Variants in IL1RL1 observed in about 807,000 individuals in gnomAD.
IL1RL1 encodes interleukin 1 receptor like 1.
Under a neutral mutation model 50.9 loss-of-function variants are expected in IL1RL1, and 32 were observed. That is an observed-to-expected ratio of 0.63 (90% confidence interval 0.47 to 0.84). IL1RL1 has a LOEUF of 0.84. IL1RL1 is among the 40% of genes least tolerant of loss of function. The pLI is 0.00. For missense variants in IL1RL1, 773 were observed against 662.9 expected (o/e 1.17, Z -1.82); for synonymous variants, 275 against 236.0 (o/e 1.17, Z -1.51).
intron 8 of IL1RL1, chr2:102,345,419 C>A (rs975746722): frequency 1.0e-6 from 1 of 984,624 alleles, no homozygotes; most frequent in African/African-American, 1.7e-5. Context: ...TATTTTTACA[C>A]TCATCACTCC....
At position 102,325,694 on chromosome 2, in the gene IL1RL1, A is replaced by C. The variant is rs576180530; in HGVS notation, c.-149-12422A>C. Among the ~76,000 whole-genome samples the C allele has an allele frequency of 1.5e-3, 221 of 152,356 alleles. 2 individuals are homozygous for C. The highest frequency in any genetic ancestry group is 5.1e-3 in the African/African-American group (213 of 41,586). On this transcript the variant is annotated intron_variant, in intron 1 of 10. Transcript: ENST00000233954. The stretch of plus-strand genomic sequence containing the variant: ...AGCTGAAAACCATGGCACGAGAACT[A>C]CGTGATGAATGCGCAAGCCTCAGTA...
At chr2:102,340,857 T>C (rs372218229) in intron 5 of IL1RL1, 29 bp downstream of exon 5, 3 of 1,518,234 alleles carry the variant, frequency 2.0e-6, no homozygotes, top group Admixed American at 2.5e-5. Flanking sequence ...TGAGATAGAA[T>C]ACTACGTGAA....
intron 1 of IL1RL1, among the ~76,000 whole-genome samples, chr2:102,314,261 G>A (rs932382840): frequency 3.3e-5 from 5 of 152,298 alleles, no homozygotes; most frequent in East Asian, 3.9e-4. Context: ...GTGAAGTAGG[G>A]ATGAAACCAA....
intron 6 of IL1RL1, 51 bp from the exon 7 acceptor site, chr2:102,342,985 T>C (rs1421435486): frequency 6.4e-7 from 1 of 1,571,510 alleles, no homozygotes; most frequent in East Asian, 2.2e-5. Context: ...TGGGATAAAA[T>C]GCCAGTCGCA....
intron 1 of IL1RL1, 90 bp downstream of exon 1, chr2:102,311,713 T>C (rs188078389): frequency 6.7e-5 from 9 of 134,906 alleles, no homozygotes; most frequent in Non-Finnish European, 1.1e-4. Context: ...ATAACAATAA[T>C]ATTCATTGTT....
At chr2:102,340,529 C>A in intron 4 of IL1RL1, 137 bp from the exon 5 acceptor site, 1 of 877,946 alleles carries the variant, frequency 1.1e-6, no homozygotes, top group Non-Finnish European at 1.8e-6. Flanking sequence ...ATGAAAATCA[C>A]TTGAACCTAG....
rs141407066 is a variant in IL1RL1 at position 102,343,256 on chromosome 2, G to A, written c.825-14G>A. The A allele has an allele frequency of 2.4e-5, 38 of 1,614,086 alleles. 1 individual carries two copies. In the African/African-American group the frequency reaches 4.0e-4, roughly 17 times the overall value. On this transcript the variant is annotated splice_polypyrimidine_tract_variant and intron_variant, in intron 7 of 10. Coordinates refer to ENST00000233954, the MANE Select transcript of IL1RL1 (RefSeq NM_016232.5). ...TGCAAAGTAGGCATTAAAAGTAACA[G>A]GTTGCTTTCTTAGTTTCAGCAATGG...
chr2:102,343,116 G>A lies in IL1RL1; in HGVS notation c.763G>A (p.Gly255Arg). The A allele has an allele frequency of 6.2e-7, 1 of 1,614,064 alleles. No individual in the cohort carries two copies. Among genetic ancestry groups the A allele is most frequent in the Non-Finnish European group, 8.5e-7 (1 of 1,179,972 alleles). Residue 255 changes from glycine to arginine, a missense_variant, in exon 7 of 11, where the codon GGA becomes AGA. Transcript: ENST00000233954. ...GGCTGCCGTCCTGTGGCAGCTTAAT[G>A]GAACAAAAATTACAGACTTTGGTGA... Reference protein sequence around the residue: ...FLAAVLWQLNGTKITDFGEPR... With the variant: ...FLAAVLWQLNRTKITDFGEPR...
intron 1 of IL1RL1, among the ~76,000 whole-genome samples, chr2:102,332,188 C>A (rs1373861110): frequency 6.6e-6 from 1 of 152,126 alleles, no homozygotes; most frequent in East Asian, 1.9e-4. Flanking sequence ...TTCTGGAGGT[C>A]ATATTCCAAT....
chr2:102,330,461 G>T (rs1677145618), intron 1 of IL1RL1, among the ~76,000 whole-genome samples: 1 of 152,114 alleles, frequency 6.6e-6, no homozygotes, highest in Admixed American at 6.6e-5. Flanking sequence ...TGCACGTTGT[G>T]CACATGTACC....
rs1426645303 is a variant in IL1RL1 at position 102,338,875 on chromosome 2, G to T, written c.100G>T (p.Val34Leu). ...SWGLENEALI[V>L]RCPRQGKPSY... ...GGGCCTGGAAAATGAGGCTTTAATT[G>T]TAAGATGTCCTAGACAAGGAAAACC... Residue 34 changes from valine (V) to leucine (L), a missense_variant, in exon 3 of 11, where the codon GTA becomes TTA. Coordinates refer to ENST00000233954, the MANE Select transcript of IL1RL1 (RefSeq NM_016232.5). The T allele has an allele frequency of 6.2e-7, 1 of 1,613,698 alleles. No individual in the cohort carries two copies. Among genetic ancestry groups the T allele is most frequent in the South Asian group, 1.1e-5 (1 of 91,078 alleles).
intron 8 of IL1RL1, chr2:102,343,700 A>G: frequency 7.4e-7 from 1 of 1,342,990 alleles, no homozygotes; most frequent in South Asian, 1.7e-5. Flanking sequence ...TTCTAACTTT[A>G]TGAACTCCCT....
intron 1 of IL1RL1, among the ~76,000 whole-genome samples, chr2:102,329,190 C>G (rs1677101956): frequency 6.6e-6 from 1 of 152,136 alleles, no homozygotes; most frequent in Non-Finnish European, 1.5e-5. Context: ...TGCTGCATGT[C>G]TACAAGTATC....
At chr2:102,337,723 A>G (rs1401866901) in intron 1 of IL1RL1, among the ~76,000 whole-genome samples, 1 of 152,110 alleles carries the variant, frequency 6.6e-6, no homozygotes, top group Non-Finnish European at 1.5e-5. Context: ...TTTTGTGAGC[A>G]TGCTGCTACC....
At chr2:102,315,246 C>A (rs1024181593) in intron 1 of IL1RL1, among the ~76,000 whole-genome samples, 5 of 152,094 alleles carry the variant, frequency 3.3e-5, no homozygotes, top group African/African-American at 1.2e-4. Context: ...TGATGTGGAT[C>A]CCCCTGGGGT....
chr2:102,348,142 C>T, intron 9 of IL1RL1, 51 bp downstream of exon 9: 1 of 1,447,236 alleles, frequency 6.9e-7, no homozygotes, highest in Non-Finnish European at 9.6e-7. Context: ...CCCATAATAA[C>T]TGTTGGTTAC....
chr2:102,314,607 T>C (rs895085217), intron 1 of IL1RL1, among the ~76,000 whole-genome samples: 2 of 152,226 alleles, frequency 1.3e-5, no homozygotes, highest in Admixed American at 1.3e-4. Flanking sequence ...AGTGTGGATA[T>C]CAGTGGCCAA....
In IL1RL1 at chr2:102,340,208, A is replaced by T. The variant is rs749108131; in HGVS notation, c.383A>T (p.Asn128Ile). Residue 128 changes from asparagine to isoleucine, a missense_variant, in exon 4 of 11, where the codon AAT becomes ATT. Transcript: ENST00000233954. ...TCAACAGTATCTGGATCAGAAAAAA[A>T]TTCCAAAATTTATTGTCCTACCATT... ...MYSTVSGSEK[N>I]SKIYCPTIDL... 6.2e-7 allele frequency: 1 copy of T among 1,606,150 alleles called. No homozygotes were observed. Among genetic ancestry groups the T allele is most frequent in the Non-Finnish European group, 8.5e-7 (1 of 1,177,706 alleles).
chr2:102,348,178 G>T, intron 9 of IL1RL1, 87 bp downstream of exon 9: 1 of 1,067,486 alleles, frequency 9.4e-7, no homozygotes, highest in Non-Finnish European at 1.4e-6. Flanking sequence ...TCAGTAGCTA[G>T]GCTGCTAAGC....
Sources: gnomAD v4.1 joint callset for allele counts (sites outside exome capture counted in the v4.1 genomes callset) on GRCh38, gnomAD v4.1.1 for gene constraint, MANE v1.5 for transcripts, NCBI Gene and HGNC (gene_info 2026-07-23, HGNC 2026-07-21) for gene names.